The following SRRM3 variants were observed in gnomAD, a reference collection of about 807,000 sequenced individuals.
SRRM3 encodes serine/arginine repetitive matrix 3.
SRRM3 carries 27 observed loss-of-function variants against 66.2 expected under a neutral mutation model. The observed-to-expected ratio is 0.41, with a 90% CI of 0.30 to 0.56. SRRM3 has a LOEUF of 0.56. Among genes scored for constraint, SRRM3 ranks in the 20% least tolerant of loss-of-function variants. The pLI is 0.32. For synonymous variants in SRRM3, 391 were observed against 414.9 expected (o/e 0.94, Z 0.70); for missense variants, 918 against 991.9 (o/e 0.93, Z 1.00).
rs142686332 is a variant in SRRM3, at chr7:76,240,890, G to GT, written c.233+5598dup. ...CACCCACACACAAGCCCTTGACGTT[G>GT]TTTTTTTGGTTTTTTGTTTTTTTCA... On this transcript the variant is annotated intron_variant, in intron 2 of 14. Coordinates refer to ENST00000611745, the MANE Select transcript of SRRM3 (RefSeq NM_001110199.3). Among the ~76,000 whole-genome samples, 619 of 151,772 alleles carry GT rather than the reference G, an allele frequency of 4.1e-3. 4 individuals carry two copies. The highest frequency in any genetic ancestry group is 0.014 in the African/African-American group (586 of 41,396).
chr7:76,212,035 A>G (rs1268452794), intron 1 of SRRM3, among the ~76,000 whole-genome samples: 1 of 150,856 alleles, frequency 6.6e-6, no homozygotes, highest in Non-Finnish European at 1.5e-5. Context: ...GTAGAGACAG[A>G]GTCTCTACAA....
chr7:76,248,174 C>T lies in SRRM3; in HGVS notation c.234-14C>T, dbSNP rs1375795711. The T allele has an allele frequency of 6.2e-7, 1 of 1,607,400 alleles. No individual in the cohort carries two copies. Among genetic ancestry groups the T allele is most frequent in the South Asian group, 1.1e-5 (1 of 90,008 alleles). ...TGGGAGACCAGCCCCTTCACCCTCTCTGTGCCCCTGCAGGTATTCGGAGGA... is the reference window on the plus strand; with the variant it reads ...TGGGAGACCAGCCCCTTCACCCTCTTTGTGCCCCTGCAGGTATTCGGAGGA... On this transcript the variant is annotated splice_polypyrimidine_tract_variant and intron_variant, in intron 2 of 14. Coordinates refer to ENST00000611745, the MANE Select transcript of SRRM3 (RefSeq NM_001110199.3).
chr7:76,281,435 C>A lies in SRRM3; in HGVS notation c.1009-6C>A. ...TCCGTGCCCTGTCTGCCTCTCTCCC[C>A]GTCAGAAGCCCAGCTCGCCCTCGCC... On this transcript the variant is annotated splice_region_variant and splice_polypyrimidine_tract_variant and intron_variant, in intron 11 of 14. Transcript: ENST00000611745. 8.1e-7 allele frequency: 1 copy of A among 1,234,610 alleles called. No homozygotes were observed. 76.5% of individuals were successfully genotyped at this position (1,234,610 alleles called of 1,614,324 possible).
chr7:76,286,447 T>A lies in SRRM3; in HGVS notation c.*604T>A, dbSNP rs1252669344. ...CTGCAGGAGGACCCTGGCTGAGGGC[T>A]GGTGGCTGGCCCCACAGCCTCCCCC... is the stretch of plus-strand genomic sequence containing the variant. On this transcript the variant is annotated 3_prime_UTR_variant, in exon 15 of 15. Transcript: ENST00000611745. The A allele has an allele frequency of 6.6e-6, 1 of 152,518 alleles. No individual in the cohort carries two copies. The highest frequency in any genetic ancestry group is 2.4e-5 in the African/African-American group (1 of 41,434). 9.4% of individuals were successfully genotyped at this position (152,518 alleles called of 1,614,324 possible). A position where few individuals can be genotyped will look rare whatever the true frequency, so the allele number is the denominator to read the frequency against.
chr7:76,217,720 C>T (rs1399709305), intron 1 of SRRM3, among the ~76,000 whole-genome samples: 1 of 152,128 alleles, frequency 6.6e-6, no homozygotes, highest in Non-Finnish European at 1.5e-5. Flanking sequence ...ATGGCTTGCC[C>T]AGCAGGATAT....
At chr7:76,242,637 T>G (rs1315093959) in intron 2 of SRRM3, among the ~76,000 whole-genome samples, 1 of 152,184 alleles carries the variant, frequency 6.6e-6, no homozygotes, top group African/African-American at 2.4e-5. Context: ...CTCACCATCA[T>G]GTAGAGTCCG....
At chr7:76,254,360 T>G (rs896646223) in intron 3 of SRRM3, among the ~76,000 whole-genome samples, 6 of 151,834 alleles carry the variant, frequency 4.0e-5, no homozygotes, top group Admixed American at 1.3e-4. Flanking sequence ...CTCTTATTGC[T>G]CAGGCTGGAG....
At chr7:76,284,172 CTTTTT>C (rs61170781) in intron 14 of SRRM3, among the ~76,000 whole-genome samples, 1 of 134,618 alleles carries the variant, frequency 7.4e-6, no homozygotes. Flanking sequence ...GCTACTGCTT[CTTTTT>C]TTTTTTTTTT....
intron 3 of SRRM3, among the ~76,000 whole-genome samples, chr7:76,256,575 T>G (rs1801718220): frequency 6.6e-6 from 1 of 151,934 alleles, no homozygotes; most frequent in Non-Finnish European, 1.5e-5. Flanking sequence ...CCATTTATAT[T>G]GTTATTTCTT....
intron 2 of SRRM3, among the ~76,000 whole-genome samples, chr7:76,246,681 G>T (rs1554606205): frequency 6.6e-6 from 1 of 152,200 alleles, no homozygotes; most frequent in Non-Finnish European, 1.5e-5. Flanking sequence ...CATGCCCAGG[G>T]CATCTTGCTG....
At chr7:76,236,415 T>C (rs1554604925) in intron 2 of SRRM3, among the ~76,000 whole-genome samples, 1 of 121,330 alleles carries the variant, frequency 8.2e-6, no homozygotes, top group African/African-American at 3.1e-5. Context: ...GTCAGTGAGC[T>C]GAGAAATCGG....
chr7:76,254,141 G>C (rs559219673), intron 3 of SRRM3, among the ~76,000 whole-genome samples: 2 of 151,990 alleles, frequency 1.3e-5, no homozygotes, highest in East Asian at 3.9e-4. Context: ...AGGACTACAG[G>C]CATGCACCAC....
chr7:76,203,975 G>T (rs1800226065), intron 1 of SRRM3, among the ~76,000 whole-genome samples: 1 of 152,106 alleles, frequency 6.6e-6, no homozygotes, highest in African/African-American at 2.4e-5. Context: ...CCTTGAACCG[G>T]CCAGCGGGGT....
chr7:76,225,003 C>T (rs1215039352), intron 1 of SRRM3, among the ~76,000 whole-genome samples: 1 of 152,138 alleles, frequency 6.6e-6, no homozygotes, highest in Non-Finnish European at 1.5e-5. Flanking sequence ...AGCCCACCTT[C>T]GCCCCGGTCT....
chr7:76,250,051 A>T (rs1308872983), intron 3 of SRRM3, among the ~76,000 whole-genome samples: 9 of 150,526 alleles, frequency 6.0e-5, no homozygotes, highest in Admixed American at 4.0e-4. Context: ...ATTTATTTTT[A>T]TTTATTTTTT....
chr7:76,233,344 C>G (rs564709015), intron 1 of SRRM3, among the ~76,000 whole-genome samples: 1 of 152,106 alleles, frequency 6.6e-6, no homozygotes, highest in Non-Finnish European at 1.5e-5. Flanking sequence ...GGATGAGGGA[C>G]CCAACTTGAT....
intron 1 of SRRM3, among the ~76,000 whole-genome samples, chr7:76,217,436 C>T (rs1800596776): frequency 1.3e-5 from 2 of 152,148 alleles, no homozygotes; most frequent in South Asian, 4.1e-4. Flanking sequence ...AGGCGTCTGC[C>T]ACCACACCCG....
chr7:76,225,578 G>A (rs1800843399), intron 1 of SRRM3, among the ~76,000 whole-genome samples: 1 of 151,664 alleles, frequency 6.6e-6, no homozygotes, highest in African/African-American at 2.4e-5. Flanking sequence ...GGAGGACTGC[G>A]ACGCTGCCAG....
At chr7:76,204,899 C>A (rs1359088030) in intron 1 of SRRM3, among the ~76,000 whole-genome samples, 1 of 152,022 alleles carries the variant, frequency 6.6e-6, no homozygotes, top group Non-Finnish European at 1.5e-5. Context: ...ATAGTGAGAC[C>A]CCATCTCTAC....
Sources: allele counts gnomAD v4.1 joint callset (sites outside exome capture counted in the v4.1 genomes callset), GRCh38; gene constraint gnomAD v4.1.1; transcripts MANE v1.5; gene names NCBI Gene and HGNC (gene_info 2026-07-23, HGNC 2026-07-21).